Variants in MAP3K5 observed in about 807,000 individuals in gnomAD.
The protein encoded by MAP3K5 is ASK-1.
In MAP3K5, 56 loss-of-function variants were observed where a neutral mutation model predicts 158.7. The ratio of observed to expected loss-of-function variants is 0.35; its 90% CI spans 0.28 to 0.44. The LOEUF is 0.44. Ranked by LOEUF, MAP3K5 falls within the 20% of genes least tolerant of loss-of-function variation. The probability of loss-of-function intolerance (pLI) is 1.00; values close to 1 mark genes in which losing one functional copy is unlikely to be tolerated. For synonymous variants in MAP3K5, 579 were observed against 601.7 expected (o/e 0.96, Z 0.55); for missense variants, 1,294 against 1,674.8 (o/e 0.77, Z 3.97).
intron 11 of MAP3K5, among the ~76,000 whole-genome samples, chr6:136,644,937 A>C (rs897940419): frequency 3.9e-5 from 6 of 152,116 alleles, no homozygotes; most frequent in African/African-American, 7.2e-5. Flanking sequence ...CTACCCTCAG[A>C]ATCACCCCAC....
At chr6:136,738,940 G>A (rs1435389771) in intron 1 of MAP3K5, among the ~76,000 whole-genome samples, 3 of 109,916 alleles carry the variant, frequency 2.7e-5, no homozygotes, top group South Asian at 2.7e-4. Flanking sequence ...ACACACACGC[G>A]TGCACACACA....
At chr6:136,743,501 C>T (rs184749686) in intron 1 of MAP3K5, among the ~76,000 whole-genome samples, 44 of 152,232 alleles carry the variant, frequency 2.9e-4, no homozygotes, top group African/African-American at 9.6e-4. Context: ...CACACCTATT[C>T]GAATGGCTGA....
intron 7 of MAP3K5, among the ~76,000 whole-genome samples, chr6:136,686,138 T>C (rs956663279): frequency 7.2e-5 from 11 of 152,218 alleles, no homozygotes; most frequent in African/African-American, 2.4e-4. Flanking sequence ...AGGTTATGGA[T>C]AGGTCCTCTA....
At chr6:136,559,250 G>A (rs1051374594) in intron 28 of MAP3K5, among the ~76,000 whole-genome samples, 1 of 152,216 alleles carries the variant, frequency 6.6e-6, no homozygotes, top group African/African-American at 2.4e-5. Context: ...TACTTGGGAG[G>A]CTGAGGCAGG....
intron 14 of MAP3K5, among the ~76,000 whole-genome samples, chr6:136,632,639 T>C (rs1160412936): frequency 6.6e-6 from 1 of 152,080 alleles, no homozygotes; most frequent in Non-Finnish European, 1.5e-5. Flanking sequence ...TGATAGAGGA[T>C]GAAGACCTGA....
chr6:136,790,941 A>G (rs1245518683), intron 1 of MAP3K5, among the ~76,000 whole-genome samples: 1 of 152,234 alleles, frequency 6.6e-6, no homozygotes, highest in Non-Finnish European at 1.5e-5. Context: ...GGATTATGCT[A>G]GCAATCACTT....
At chr6:136,738,524 AACTGGC>A (rs1443049351) in intron 1 of MAP3K5, among the ~76,000 whole-genome samples, 6 of 152,240 alleles carry the variant, frequency 3.9e-5, no homozygotes, top group Non-Finnish European at 7.3e-5. Context: ...AGAGTCTTCC[AACTGGC>A]ACTCAGCCCA....
intron 1 of MAP3K5, among the ~76,000 whole-genome samples, chr6:136,783,339 T>C (rs1229775520): frequency 1.7e-4 from 6 of 36,160 alleles, no homozygotes; most frequent in Admixed American, 8.4e-4. Context: ...GGATTTTTAA[T>C]TTATCATTTT....
chr6:136,640,935 T>C (rs926341178), intron 12 of MAP3K5, among the ~76,000 whole-genome samples: 8 of 152,192 alleles, frequency 5.3e-5, no homozygotes, highest in East Asian at 3.8e-4. Flanking sequence ...AATAGTAAGA[T>C]AGATAGTAGC....
chr6:136,570,398 T>G (rs1477068296), intron 25 of MAP3K5, among the ~76,000 whole-genome samples: 2 of 152,200 alleles, frequency 1.3e-5, no homozygotes, highest in African/African-American at 4.8e-5. Flanking sequence ...TTTTGCTCCA[T>G]AGATGAGCTC....
At chr6:136,664,111 A>T (rs1779126415) in intron 8 of MAP3K5, among the ~76,000 whole-genome samples, 1 of 152,174 alleles carries the variant, frequency 6.6e-6, no homozygotes, top group South Asian at 2.1e-4. Flanking sequence ...ATCTGTATTT[A>T]CAGCCATTCC....
intron 1 of MAP3K5, among the ~76,000 whole-genome samples, chr6:136,736,959 C>T (rs763521991): frequency 4.0e-5 from 6 of 149,946 alleles, no homozygotes; most frequent in East Asian, 3.9e-4. Flanking sequence ...ATTACAGGTA[C>T]GGATATGAGC....
At position 136,791,882 on chromosome 6, in the gene MAP3K5, C is replaced by T. The variant is rs368834629; in HGVS notation, c.276G>A (p.Thr92=). 16 of 1,613,550 alleles carry T rather than the reference C, an allele frequency of 9.9e-6. No homozygotes were observed. The African/African-American group carries it at 1.7e-4, about 17-fold the overall frequency. Residue 92 remains threonine (T), a synonymous_variant, in exon 1 of 30, where the codon ACG becomes ACA. Coordinates refer to ENST00000359015, the MANE Select transcript of MAP3K5 (RefSeq NM_005923.4). ...TCGCTTCGTTGATCACATATGCCAC[C>T]GTGGTCCGTCGGCTGCCCCCGCCAA... is the stretch of plus-strand genomic sequence containing the variant. ...SSVGGGSRRT[T]VAYVINEASQ...
chr6:136,763,485 C>T (rs966662309), intron 1 of MAP3K5, among the ~76,000 whole-genome samples: 1 of 152,162 alleles, frequency 6.6e-6, no homozygotes, highest in African/African-American at 2.4e-5. Context: ...AGTATTCTGA[C>T]AGTGTGTTTT....
chr6:136,575,025 T>C (rs1225268058), intron 25 of MAP3K5, among the ~76,000 whole-genome samples: 1 of 152,006 alleles, frequency 6.6e-6, no homozygotes, highest in African/African-American at 2.4e-5. Flanking sequence ...TTTGAAATAA[T>C]TTTAGGATAA....
chr6:136,714,878 A>G (rs762804862), intron 2 of MAP3K5, among the ~76,000 whole-genome samples: 18 of 152,216 alleles, frequency 1.2e-4, no homozygotes, highest in Non-Finnish European at 2.5e-4. Flanking sequence ...ATCCCAATCT[A>G]GAAAATAATA....
rs1780637160 is a variant in MAP3K5, at chr6:136,697,209, ATCT to A, written c.975+7_975+9del. 1 of 1,604,574 alleles carries A rather than the reference ATCT, an allele frequency of 6.2e-7. No individual in the cohort carries two copies. The highest frequency in any genetic ancestry group is 1.7e-5 in the Admixed American group (1 of 58,902). On this transcript the variant is annotated splice_region_variant and intron_variant, in intron 5 of 29. Transcript: ENST00000359015. ...ACACAACAAAGATTTCACTTTAAACATCTTCTCACCTGGATATCTCTGTAGGAA... is the reference window on the plus strand; with the variant it reads ...ACACAACAAAGATTTCACTTTAAACATCTCACCTGGATATCTCTGTAGGAA...
chr6:136,791,757 T>C lies in MAP3K5; in HGVS notation c.401A>G (p.Lys134Arg), dbSNP rs1365851539. Residue 134 changes from lysine (K) to arginine (R), a missense_variant, in exon 1 of 30, where the codon AAA becomes AGA. Around this residue, in one of 5 missense-constraint regions of MAP3K5, gnomAD observed 690 missense variants for 870.5 expected, o/e 0.79. Transcript: ENST00000359015. Reference sequence around the variant, plus strand: ...CACGGTGGTTTCTCCAAAGTCGAGTTTCCCAAAATGCAGGGTTTCCAGGGT... The same window carrying C: ...CACGGTGGTTTCTCCAAAGTCGAGTCTCCCAAAATGCAGGGTTTCCAGGGT... ...GATLETLHFG[K>R]LDFGETTVLD... 8 of 1,613,298 alleles carry C rather than the reference T, an allele frequency of 5.0e-6. No homozygotes were observed. Among genetic ancestry groups the C allele is most frequent in the South Asian group, 1.1e-5 (1 of 91,084 alleles).
intron 1 of MAP3K5, among the ~76,000 whole-genome samples, chr6:136,767,403 G>A (rs889737233): frequency 6.6e-6 from 1 of 151,870 alleles, no homozygotes; most frequent in African/African-American, 2.4e-5. Context: ...GGGTGAGGAA[G>A]GAGGAAGGAA....
Sources: allele counts gnomAD v4.1 joint callset (sites outside exome capture counted in the v4.1 genomes callset), GRCh38; gene constraint gnomAD v4.1.1; regional missense constraint gnomAD v4.1.1; transcripts MANE v1.5; gene names NCBI Gene and HGNC (gene_info 2026-07-23, HGNC 2026-07-21).